ADGRA3: variants seen among roughly 807,000 people sequenced by gnomAD.
The protein encoded by ADGRA3 is G-protein coupled receptor 125.
ADGRA3 carries 56 observed loss-of-function variants against 119.8 expected under a neutral mutation model. The observed-to-expected ratio is 0.47, with a 90% CI of 0.38 to 0.58. The LOEUF is 0.58. Among genes scored for constraint, ADGRA3 ranks in the 20% least tolerant of loss-of-function variants. The probability of loss-of-function intolerance (pLI) is 0.00; values close to 1 mark genes in which losing one functional copy is unlikely to be tolerated. For missense variants in ADGRA3, 1,516 were observed against 1,649.0 expected (o/e 0.92, Z 1.40); for synonymous variants, 607 against 623.8 (o/e 0.97, Z 0.40).
At chr4:22,424,704 C>T (rs934725076) in intron 10 of ADGRA3, among the ~76,000 whole-genome samples, 1 of 152,178 alleles carries the variant, frequency 6.6e-6, no homozygotes, top group Admixed American at 6.5e-5. Flanking sequence ...CTTGACTGTT[C>T]ATCTAGAAAA....
intron 1 of ADGRA3, among the ~76,000 whole-genome samples, chr4:22,512,805 T>G (rs992427542): frequency 2.0e-5 from 3 of 152,118 alleles, no homozygotes; most frequent in Non-Finnish European, 2.9e-5. Context: ...GCGAATAAAT[T>G]TGTTGTTTCA....
chr4:22,413,999 T>G, intron 12 of ADGRA3, 185 bp from the exon 13 acceptor site: 2 of 467,622 alleles, frequency 4.3e-6, no homozygotes, highest in South Asian at 7.7e-5. Flanking sequence ...ATAACATAGA[T>G]TAAAAGAAGT....
chr4:22,449,213 T>A (rs1008052244), intron 4 of ADGRA3, among the ~76,000 whole-genome samples: 2 of 151,356 alleles, frequency 1.3e-5, no homozygotes, highest in Non-Finnish European at 2.9e-5. Flanking sequence ...GAGGCTGCAG[T>A]GAGCCAGGAC....
chr4:22,401,699 A>G, intron 15 of ADGRA3, 145 bp from the exon 16 acceptor site: 2 of 471,566 alleles, frequency 4.2e-6, no homozygotes, highest in South Asian at 6.2e-5. Flanking sequence ...TACCAGACAC[A>G]CACACACATA....
rs747139796 is a variant in ADGRA3 at position 22,388,079 on chromosome 4, C to T, written c.3592G>A (p.Val1198Met). ...AAGCCGTTCTGCACGCTTCCTTCCA[C>T]GCTCGTTGGGACATCGTAGGCATAT... is the stretch of plus-strand genomic sequence containing the variant. ...REYAYDVPTSVEGSVQNGLPK... is the reference protein window; with the variant it reads ...REYAYDVPTSMEGSVQNGLPK... Residue 1198 changes from valine (V) to methionine (M), a missense_variant, in exon 19 of 19, where the codon GTG (valine) becomes ATG (methionine). Around this residue, in one of 2 missense-constraint regions of ADGRA3, gnomAD observed 1,088 missense variants for 1,107.1 expected, o/e 0.98. Coordinates refer to ENST00000334304, the MANE Select transcript of ADGRA3 (RefSeq NM_145290.4). 80 of 1,614,152 alleles carry T rather than the reference C, an allele frequency of 5.0e-5. No homozygotes were observed. In the East Asian group the frequency reaches 1.5e-3, roughly 30 times the overall value.
Position 22,454,920 on chromosome 4 carries a change from C to G in ADGRA3, c.419G>C (p.Arg140Pro). Residue 140 changes from arginine to proline, a missense_variant, in exon 4 of 19, where the codon CGA (arginine) becomes CCA (proline). This residue lies in a region of ADGRA3 where 428 missense variants were observed against 541.9 expected (regional missense o/e 0.79). Transcript: ENST00000334304. ...TATGTCTGCATTCAGACATCCTATT[C>G]GATTGTTTGTCAGATCCCTAAGGAG... ...SLKRLDLTNNRIGCLNADIFR... is the reference protein window; with the variant it reads ...SLKRLDLTNNPIGCLNADIFR... The G allele has an allele frequency of 6.2e-7, 1 of 1,613,334 alleles. No individual in the cohort carries two copies. The highest frequency in any genetic ancestry group is 8.5e-7 in the Non-Finnish European group (1 of 1,179,444).
chr4:22,425,649 A>G (rs1715900393), intron 10 of ADGRA3, among the ~76,000 whole-genome samples: 1 of 152,234 alleles, frequency 6.6e-6, no homozygotes. Context: ...CCCAGTGCAA[A>G]GCCAGAAAGC....
chr4:22,510,389 C>A (rs1366802416), intron 1 of ADGRA3, among the ~76,000 whole-genome samples: 1 of 152,140 alleles, frequency 6.6e-6, no homozygotes, highest in Non-Finnish European at 1.5e-5. Context: ...CCATTCCAGC[C>A]TTGACACATA....
rs139334338 is a variant in ADGRA3, at chr4:22,397,085, T to C, written c.2481+4346A>G. On this transcript the variant is annotated intron_variant, in intron 16 of 18. Transcript: ENST00000334304. The stretch of plus-strand genomic sequence containing the variant: ...GCAGACAGAGGCTTCTTTTTGTTCA[T>C]TCACCCAGTAAACATTTGCCCAGCA... Among the ~76,000 whole-genome samples the C allele has an allele frequency of 6.4e-4, 97 of 152,198 alleles. 1 individual carries two copies. The highest frequency in any genetic ancestry group is 2.0e-3 in the African/African-American group (83 of 41,534).
intron 4 of ADGRA3, among the ~76,000 whole-genome samples, chr4:22,453,180 G>A (rs188549450): frequency 1.5e-4 from 20 of 136,804 alleles, no homozygotes; most frequent in African/African-American, 4.3e-4. Context: ...CAGCCTGGGC[G>A]ACAGAGCGAG....
At chr4:22,429,559 C>G (rs1577343210) in intron 10 of ADGRA3, among the ~76,000 whole-genome samples, 1 of 152,108 alleles carries the variant, frequency 6.6e-6, no homozygotes, top group Non-Finnish European at 1.5e-5. Context: ...CCACCTCCAG[C>G]ATCAGGCCTA....
At chr4:22,514,363 T>C (rs180899885) in intron 1 of ADGRA3, 2 of 152,244 alleles carry the variant, frequency 1.3e-5, no homozygotes, top group East Asian at 1.9e-4. Flanking sequence ...CCTCCATAAA[T>C]AGACACATAG....
rs112321028 is a variant in ADGRA3, at chr4:22,509,390, C to G, written c.257+6138G>C. Among the ~76,000 whole-genome samples the G allele has an allele frequency of 6.0e-3, 913 of 152,022 alleles. 20 individuals carry two copies. Among genetic ancestry groups the G allele is most frequent in the African/African-American group, 0.021 (867 of 41,460 alleles). ...TGGTGGCGTGCACCTGTAATCCCAG[C>G]TACTCGGGGCGCTGAGGCAGGAGAA... On this transcript the variant is annotated intron_variant, in intron 1 of 18. Transcript: ENST00000334304.
rs1029177208 is a variant in ADGRA3, at chr4:22,485,002, T to G, written c.258-11159A>C. ...GCTTTGAATTGTGGAATAAATCCTC[T>G]GCTTAATTTTCCAGAAGACTAATTT... On this transcript the variant is annotated intron_variant, in intron 1 of 18. Coordinates refer to ENST00000334304, the MANE Select transcript of ADGRA3 (RefSeq NM_145290.4). Among the ~76,000 whole-genome samples, 3 of 152,328 alleles carry G rather than the reference T, an allele frequency of 2.0e-5. No individual in the cohort carries two copies. The South Asian group carries it at 6.2e-4, about 32-fold the overall frequency.
At chr4:22,452,458 A>T (rs1236086958) in intron 4 of ADGRA3, among the ~76,000 whole-genome samples, 1 of 152,200 alleles carries the variant, frequency 6.6e-6, no homozygotes, top group Non-Finnish European at 1.5e-5. Context: ...GAACTATAAG[A>T]TCATCTCAAT....
chr4:22,479,010 T>A (rs1718152003), intron 1 of ADGRA3, among the ~76,000 whole-genome samples: 1 of 152,002 alleles, frequency 6.6e-6, no homozygotes, highest in African/African-American at 2.4e-5. Context: ...TTTCTAAACA[T>A]ACAAAGAATT....
At chr4:22,399,054 C>T (rs186601737) in intron 16 of ADGRA3, among the ~76,000 whole-genome samples, 4 of 152,326 alleles carry the variant, frequency 2.6e-5, no homozygotes, top group African/African-American at 9.6e-5. Context: ...TTAACTTCTG[C>T]TGATGGAAAA....
chr4:22,467,138 T>C (rs571436363), intron 2 of ADGRA3, among the ~76,000 whole-genome samples: 51 of 152,302 alleles, frequency 3.3e-4, no homozygotes, highest in African/African-American at 1.0e-3. Flanking sequence ...TATTCCAATA[T>C]AGAAGAAAAA....
intron 17 of ADGRA3, 64 bp downstream of exon 17, chr4:22,392,481 T>C: frequency 6.3e-7 from 1 of 1,576,986 alleles, no homozygotes; most frequent in Non-Finnish European, 8.7e-7. Flanking sequence ...AATTTTGTTA[T>C]AATTTATGAT....
Sources: gnomAD v4.1 joint callset for allele counts (sites outside exome capture counted in the v4.1 genomes callset) on GRCh38, gnomAD v4.1.1 for gene constraint, gnomAD v4.1.1 regional missense constraint, MANE v1.5 for transcripts, NCBI Gene and HGNC (gene_info 2026-07-23, HGNC 2026-07-21) for gene names.